The following SRSF4 variants were observed in gnomAD, a reference collection of about 807,000 sequenced individuals.
SRSF4 encodes serine and arginine rich splicing factor 4, also known as serine/arginine-rich splicing factor 4.
A neutral mutation model predicts 48.8 loss-of-function variants in SRSF4; 12 were observed. The ratio of observed to expected loss-of-function variants is 0.25; its 90% confidence interval spans 0.16 to 0.40. The LOEUF is 0.40. Among genes scored for constraint, SRSF4 ranks in the 10% least tolerant of loss-of-function variants. SRSF4 has a pLI of 1.00. For missense variants in SRSF4, 466 were observed against 667.1 expected (o/e 0.70, Z 3.32); for synonymous variants, 248 against 232.5 (o/e 1.07, Z -0.61).
intron 1 of SRSF4, 101 bp from the exon 2 acceptor site, chr1:29,160,618 G>A (rs1288606316): frequency 1.4e-6 from 2 of 1,380,852 alleles, no homozygotes; most frequent in Non-Finnish European, 1.9e-6. Context: ...CAAAGGTTAG[G>A]TGGATTTTGC....
intron 1 of SRSF4, among the ~76,000 whole-genome samples, chr1:29,174,731 T>C (rs960163443): frequency 6.8e-6 from 1 of 148,070 alleles, no homozygotes; most frequent in African/African-American, 2.5e-5. Context: ...TGGAGTGCAG[T>C]GGCCCGATCT....
Position 29,148,096 on chromosome 1 carries a change from G to A in SRSF4, c.*314C>T, listed in dbSNP as rs780108145. 1.1e-5 allele frequency: 6 copies of A among 534,536 alleles called. No homozygotes were observed. Among genetic ancestry groups the A allele is most frequent in the Non-Finnish European group, 2.2e-5 (6 of 279,008 alleles). 33.1% of individuals were successfully genotyped at this position (534,536 alleles called of 1,614,324 possible). A position where few individuals can be genotyped will look rare whatever the true frequency, so the allele number is the denominator to read the frequency against. On this transcript the variant is annotated 3_prime_UTR_variant, in exon 6 of 6. Transcript: ENST00000373795. Reference sequence around the variant, plus strand: ...CATACCTACCTATGTGGTCATTCCAGCCTTAGAGCCGTCCAGGTTACTGAG... The same window carrying A: ...CATACCTACCTATGTGGTCATTCCAACCTTAGAGCCGTCCAGGTTACTGAG...
intron 1 of SRSF4, among the ~76,000 whole-genome samples, chr1:29,161,782 A>G (rs890629270): frequency 9.9e-5 from 15 of 152,180 alleles, no homozygotes; most frequent in African/African-American, 3.6e-4. Context: ...TATTTTTAGT[A>G]GAGACAGGGT....
At chr1:29,176,122 C>T (rs561340839) in intron 1 of SRSF4, among the ~76,000 whole-genome samples, 126 of 151,684 alleles carry the variant, frequency 8.3e-4, no homozygotes, top group Non-Finnish European at 1.5e-3. Context: ...CGTGGTGGCA[C>T]GCGCCTGTAG....
chr1:29,164,025 T>C (rs936545447), intron 1 of SRSF4, among the ~76,000 whole-genome samples: 1 of 152,336 alleles, frequency 6.6e-6, no homozygotes, highest in East Asian at 1.9e-4. Context: ...GCTCCTTTGG[T>C]TTAACAATGG....
chr1:29,174,225 A>C (rs1301730439), intron 1 of SRSF4, among the ~76,000 whole-genome samples: 1 of 142,228 alleles, frequency 7.0e-6, no homozygotes, highest in African/African-American at 2.6e-5. Flanking sequence ...AAAAAAAAAT[A>C]GGAGCTCTTA....
chr1:29,181,812 A>G lies in SRSF4; in HGVS notation c.-60T>C. The G allele has an allele frequency of 7.1e-7, 1 of 1,415,740 alleles. No homozygotes were observed. Among genetic ancestry groups the G allele is most frequent in the Non-Finnish European group, 9.3e-7 (1 of 1,071,134 alleles). 87.7% of individuals were successfully genotyped at this position (1,415,740 alleles called of 1,614,324 possible). A position where few individuals can be genotyped will look rare whatever the true frequency, so the allele number is the denominator to read the frequency against. ...AGCCCCCCTTAGGCGGCGGCGGGCA[A>G]AGCGAGAGCACGGCGGCAGCGGCGG... On this transcript the variant is annotated 5_prime_UTR_variant, in exon 1 of 6. Coordinates refer to ENST00000373795, the MANE Select transcript of SRSF4 (RefSeq NM_005626.5).
rs557029080 is a variant in SRSF4 at position 29,158,103 on chromosome 1, A to T, written c.363+1271T>A. On this transcript the variant is annotated intron_variant, in intron 3 of 5. Coordinates refer to ENST00000373795, the MANE Select transcript of SRSF4 (RefSeq NM_005626.5). ...AGAACTACTTGAACCCCAGAGGCGGAGGTTGCAGTGAGCTGAGATGGCGCC... is the reference window on the plus strand; with the variant it reads ...AGAACTACTTGAACCCCAGAGGCGGTGGTTGCAGTGAGCTGAGATGGCGCC... 4.6e-5 allele frequency among the ~76,000 whole-genome samples: 7 copies of T among 151,196 alleles called. No homozygotes were observed. In the East Asian group the frequency reaches 1.2e-3, roughly 26 times the overall value.
At chr1:29,177,283 G>T (rs1315666428) in intron 1 of SRSF4, among the ~76,000 whole-genome samples, 171 of 137,828 alleles carry the variant, frequency 1.2e-3, no homozygotes, top group African/African-American at 3.2e-3. Context: ...AACTCTTTTT[G>T]TTTTTTTTTT....
chr1:29,156,030 C>T (rs1672494183), intron 3 of SRSF4, among the ~76,000 whole-genome samples: 1 of 152,072 alleles, frequency 6.6e-6, no homozygotes, highest in African/African-American at 2.4e-5. Context: ...GGGACTCCAT[C>T]TCAAAAAACA....
At chr1:29,149,339 G>A (rs1006920605) in intron 5 of SRSF4, 113 bp from the exon 6 acceptor site, 23 of 1,291,400 alleles carry the variant, frequency 1.8e-5, no homozygotes, top group Admixed American at 2.6e-5. Flanking sequence ...AAGCATGGCT[G>A]GCACTGGCTG....
chr1:29,149,198 G>T lies in SRSF4; in HGVS notation c.697C>A (p.Arg233=), dbSNP rs780093782. 1.9e-6 allele frequency: 3 copies of T among 1,609,384 alleles called. No individual in the cohort carries two copies. Among genetic ancestry groups the T allele is most frequent in the Non-Finnish European group, 2.5e-6 (3 of 1,179,912 alleles). The change falls in exon 6 of 6, where the codon CGG becomes AGG. Residue 233 remains arginine, a synonymous_variant. Transcript: ENST00000373795. The stretch of plus-strand genomic sequence containing the variant: ...CGGCTCCGACTCTGGCTCCGGCTCC[G>T]GCTCTTGCTCCGGGAGCGGGAGCCC... The part of the protein sequence containing the change: ...RSGSRSRSKS[R]SRSQSRSRSK...
chr1:29,149,408 C>T (rs1030846328), intron 5 of SRSF4, among the ~76,000 whole-genome samples, 182 bp from the exon 6 acceptor site: 11 of 152,124 alleles, frequency 7.2e-5, no homozygotes, highest in East Asian at 1.9e-4. Context: ...TGGCCAGGTG[C>T]GGCGGCTCAT....
intron 3 of SRSF4, 70 bp from the exon 4 acceptor site, chr1:29,154,980 T>A: frequency 7.1e-7 from 1 of 1,413,660 alleles, no homozygotes; most frequent in Non-Finnish European, 9.7e-7. Context: ...ATCATCTGAG[T>A]GAATTTTTCC....
At chr1:29,156,046 A>G (rs1340016075) in intron 3 of SRSF4, among the ~76,000 whole-genome samples, 1 of 152,194 alleles carries the variant, frequency 6.6e-6, no homozygotes, top group African/African-American at 2.4e-5. Flanking sequence ...AAACAAAACA[A>G]AACAGAACAA....
At chr1:29,154,985 T>C in intron 3 of SRSF4, 75 bp from the exon 4 acceptor site, 2 of 1,385,990 alleles carry the variant, frequency 1.4e-6, no homozygotes, top group South Asian at 1.3e-5. Context: ...CTGAGTGAAT[T>C]TTTCCTTTAA....
chr1:29,173,779 T>C (rs954990650), intron 1 of SRSF4, among the ~76,000 whole-genome samples: 1 of 151,982 alleles, frequency 6.6e-6, no homozygotes, highest in Non-Finnish European at 1.5e-5. Flanking sequence ...TTATGCTTGA[T>C]AGGCTAAATA....
chr1:29,158,241 A>G (rs1388916107), intron 3 of SRSF4, among the ~76,000 whole-genome samples: 1 of 152,172 alleles, frequency 6.6e-6, no homozygotes. Flanking sequence ...CTTGACACCA[A>G]ACCTCTTTCA....
At chr1:29,162,038 TAAC>T (rs987693747) in intron 1 of SRSF4, among the ~76,000 whole-genome samples, 26 of 152,298 alleles carry the variant, frequency 1.7e-4, no homozygotes, top group African/African-American at 6.0e-4. Flanking sequence ...AATGTGTAGG[TAAC>T]AACGTTGGAG....
Sources: gnomAD v4.1 joint callset for allele counts (sites outside exome capture counted in the v4.1 genomes callset) on GRCh38, gnomAD v4.1.1 for gene constraint, MANE v1.5 for transcripts, NCBI Gene and HGNC (gene_info 2026-07-23, HGNC 2026-07-21) for gene names.